Variants in PCDH9 observed in about 807,000 individuals in gnomAD.
PCDH9 encodes protocadherin-9.
In PCDH9, 24 loss-of-function variants were observed where a neutral mutation model predicts 70.6. The ratio of observed to expected loss-of-function variants is 0.34; its 90% CI spans 0.25 to 0.48. PCDH9 has a LOEUF of 0.48. Ranked by LOEUF, PCDH9 falls within the 20% of genes least tolerant of loss-of-function variation. PCDH9 has a pLI of 0.99. For synonymous variants in PCDH9, 562 were observed against 558.5 expected, an observed-to-expected ratio of 1.01 and a Z score of -0.09; for missense variants, 1,281 against 1,503.6, an observed-to-expected ratio of 0.85 and a Z score of 2.45.
intron 4 of PCDH9, among the ~76,000 whole-genome samples, chr13:66,599,037 C>A (rs1289904407): frequency 3.3e-5 from 5 of 151,704 alleles, no homozygotes; most frequent in Non-Finnish European, 7.4e-5. Context: ...ATTTTTTTTA[C>A]ATCTAACTAG....
At chr13:66,642,936 T>C (rs2077727124) in intron 3 of PCDH9, among the ~76,000 whole-genome samples, 1 of 152,014 alleles carries the variant, frequency 6.6e-6, no homozygotes, top group South Asian at 2.1e-4. Flanking sequence ...TCAACTTATA[T>C]GCAGAAATGT....
At chr13:66,818,006 C>T (rs2080639330) in intron 3 of PCDH9, among the ~76,000 whole-genome samples, 1 of 152,072 alleles carries the variant, frequency 6.6e-6, no homozygotes, top group East Asian at 1.9e-4. Flanking sequence ...ACACTAGGGG[C>T]CAAAATAAGT....
intron 3 of PCDH9, among the ~76,000 whole-genome samples, chr13:66,742,089 A>G (rs2079274376): frequency 1.9e-5 from 1 of 53,080 alleles, no homozygotes; most frequent in Non-Finnish European, 3.5e-5. Flanking sequence ...CTGACTTCAA[A>G]CTATACTACA....
At chr13:66,496,454 G>A (rs1959119639) in intron 4 of PCDH9, among the ~76,000 whole-genome samples, 1 of 151,978 alleles carries the variant, frequency 6.6e-6, no homozygotes, top group Non-Finnish European at 1.5e-5. Context: ...TCCTCTCAAG[G>A]TTGACACTAT....
In PCDH9 at chr13:67,229,840, A is replaced by G. The variant is rs2089968177; in HGVS notation, c.-196T>C. 1 of 152,242 alleles carries G rather than the reference A, an allele frequency of 6.6e-6. No individual in the cohort carries two copies. The highest frequency in any genetic ancestry group is 2.4e-5 in the African/African-American group (1 of 41,448). The allele number at this position is 152,242 out of a possible 1,614,324, so 9.4% of individuals were successfully genotyped here. ...CTGCAGTTAGGAATGATTTGTTCCA[A>G]CACATAGAAAGCCATGCATCTGGTA... On this transcript the variant is annotated 5_prime_UTR_variant, in exon 1 of 5. Transcript: ENST00000377865.
intron 3 of PCDH9, among the ~76,000 whole-genome samples, chr13:66,743,465 G>T (rs1295425008): frequency 1.4e-5 from 2 of 146,158 alleles, no homozygotes; most frequent in African/African-American, 2.5e-5. Context: ...TGCACAATGT[G>T]CACATGTACC....
intron 4 of PCDH9, among the ~76,000 whole-genome samples, chr13:66,590,682 G>T (rs1213501110): frequency 6.6e-6 from 1 of 151,778 alleles, no homozygotes; most frequent in Non-Finnish European, 1.5e-5. Context: ...TATTGCACAG[G>T]TATAGTATAG....
chr13:66,779,873 A>ATATAAATATATGTGTG (rs375882917), intron 3 of PCDH9, among the ~76,000 whole-genome samples: 1 of 115,852 alleles, frequency 8.6e-6, no homozygotes, highest in Non-Finnish European at 1.7e-5. Flanking sequence ...ATATACATAT[A>ATATAAATATATGTGTG]TGTGTGTGTG....
intron 3 of PCDH9, among the ~76,000 whole-genome samples, chr13:66,680,204 A>G (rs1315666532): frequency 6.6e-6 from 1 of 151,996 alleles, no homozygotes; most frequent in Non-Finnish European, 1.5e-5. Context: ...TGTGAAATTA[A>G]TCTAACTCAG....
At chr13:66,352,501 T>C (rs1956308603) in intron 4 of PCDH9, among the ~76,000 whole-genome samples, 1 of 152,106 alleles carries the variant, frequency 6.6e-6, no homozygotes, top group South Asian at 2.1e-4. Flanking sequence ...TCTCATGGCT[T>C]GTAGGTGTCT....
chr13:66,334,512 T>C (rs1045513385), intron 4 of PCDH9, among the ~76,000 whole-genome samples: 3 of 152,064 alleles, frequency 2.0e-5, no homozygotes, highest in Non-Finnish European at 2.9e-5. Context: ...GCCTCCAGAA[T>C]GCAACATCAA....
chr13:66,703,758 C>T (rs76639066), intron 3 of PCDH9, among the ~76,000 whole-genome samples: 1 of 151,734 alleles, frequency 6.6e-6, no homozygotes, highest in Non-Finnish European at 1.5e-5. Context: ...AGTATCCAGG[C>T]ATAGTGGTGA....
chr13:66,556,470 T>C (rs1010913060), intron 4 of PCDH9, among the ~76,000 whole-genome samples: 30 of 152,232 alleles, frequency 2.0e-4, no homozygotes, highest in African/African-American at 7.0e-4. Context: ...GAAAATGATA[T>C]ATCACATTCC....
At chr13:66,620,078 A>G (rs559112574) in intron 4 of PCDH9, among the ~76,000 whole-genome samples, 1 of 152,028 alleles carries the variant, frequency 6.6e-6, no homozygotes, top group African/African-American at 2.4e-5. Context: ...TAATTATGCA[A>G]TTTTCCATAA....
In PCDH9 at chr13:66,926,059, T is replaced by A. The variant is rs184977835; in HGVS notation, c.3037-22454A>T. On this transcript the variant is annotated intron_variant, in intron 2 of 4. Transcript: ENST00000377865. ...TCACATTGCATTTGACTCCCCTTCC[T>A]TGTCTAAGCAATGGGAGGGCATGTA... Among the ~76,000 whole-genome samples the A allele has an allele frequency of 2.1e-4, 32 of 152,118 alleles. No individual in the cohort carries two copies. The South Asian group carries it at 2.7e-3, about 13-fold the overall frequency.
At chr13:66,541,547 T>C (rs1468945484) in intron 4 of PCDH9, among the ~76,000 whole-genome samples, 2 of 152,190 alleles carry the variant, frequency 1.3e-5, no homozygotes, top group East Asian at 3.8e-4. Flanking sequence ...GACAGCCTAA[T>C]TTCAATCTGT....
chr13:67,022,109 T>A (rs1373394681), intron 2 of PCDH9, among the ~76,000 whole-genome samples: 1 of 1,996 alleles, frequency 5.0e-4, no homozygotes. Flanking sequence ...TGATGTTCTT[T>A]TTTTTTTTTT....
intron 3 of PCDH9, among the ~76,000 whole-genome samples, chr13:66,678,203 C>T (rs1819234212): frequency 6.6e-6 from 1 of 152,052 alleles, no homozygotes; most frequent in African/African-American, 2.4e-5. Context: ...CCTTAGCTTT[C>T]TCTTGGTTTC....
chr13:66,553,597 TG>T (rs1961592463), intron 4 of PCDH9, among the ~76,000 whole-genome samples: 1 of 152,140 alleles, frequency 6.6e-6, no homozygotes, highest in African/African-American at 2.4e-5. Context: ...GAAATAAGCC[TG>T]GTCCTCAACA....
Sources: gnomAD v4.1 joint callset for allele counts (sites outside exome capture counted in the v4.1 genomes callset) on GRCh38, gnomAD v4.1.1 for gene constraint, MANE v1.5 for transcripts, NCBI Gene and HGNC (gene_info 2026-07-23, HGNC 2026-07-21) for gene names.